The following CD96 variants were observed in gnomAD, a reference collection of about 807,000 sequenced individuals.
The protein encoded by CD96 is CD96 molecule.
In CD96, 70 loss-of-function variants were observed where a neutral mutation model predicts 71.3. That is an observed-to-expected ratio of 0.98 (90% confidence interval 0.81 to 1.20). The LOEUF (loss-of-function observed/expected upper bound fraction) is 1.20, where lower values mean the gene tolerates loss of function less well. CD96 is among the 50% of genes most tolerant of loss of function. CD96 has a pLI of 0.00. For missense variants in CD96, 742 were observed against 677.5 expected (o/e 1.10, Z -1.06); for synonymous variants, 248 against 233.0 (o/e 1.06, Z -0.59).
At chr3:111,606,620 T>TAAATAAATAAA in intron 7 of CD96, 80 bp from the exon 8 acceptor site, 1 of 787,284 alleles carries the variant, frequency 1.3e-6, no homozygotes, top group South Asian at 1.4e-5. Flanking sequence ...TAAAGGAAAG[T>TAAATAAATAAA]GTATTTAAGA....
rs940058471 is a variant in CD96, at chr3:111,562,176, G to A, written c.419-5347G>A. Among the ~76,000 whole-genome samples the A allele has an allele frequency of 8.5e-5, 13 of 152,304 alleles. No individual in the cohort carries two copies. In the South Asian group the frequency reaches 2.1e-3, roughly 24 times the overall value. On this transcript the variant is annotated intron_variant, in intron 2 of 13. Transcript: ENST00000352690. ...GCAGAAATCACCGGTCTTCTGCGTC[G>A]CTCACGTTGGGAGCTGTAGACCGGA...
chr3:111,555,455 A>C (rs1273274627), intron 2 of CD96, among the ~76,000 whole-genome samples: 8 of 152,420 alleles, frequency 5.2e-5, no homozygotes, highest in Middle Eastern at 3.4e-3. Context: ...TTTAATTTTA[A>C]AGGATAATTT....
At chr3:111,552,722 G>A (rs1318542412) in intron 2 of CD96, among the ~76,000 whole-genome samples, 1 of 152,154 alleles carries the variant, frequency 6.6e-6, no homozygotes, top group Non-Finnish European at 1.5e-5. Context: ...TATGACCTCT[G>A]AGTTAGAGGA....
At chr3:111,655,522 G>C (rs777668919), downstream of CD96, among the ~76,000 whole-genome samples, 2 of 152,066 alleles carry the variant, frequency 1.3e-5, no homozygotes, top group South Asian at 2.1e-4. Flanking sequence ...ACTTTTAAAG[G>C]CTTCAGAAAG....
chr3:111,559,028 G>C (rs1053671057), intron 2 of CD96, among the ~76,000 whole-genome samples: 5 of 152,128 alleles, frequency 3.3e-5, no homozygotes, highest in Non-Finnish European at 7.4e-5. Context: ...ATGGTAGTTT[G>C]TATTTCTGTG....
chr3:111,590,621 T>C (rs1365706620), intron 5 of CD96, among the ~76,000 whole-genome samples: 1 of 152,188 alleles, frequency 6.6e-6, no homozygotes, highest in Non-Finnish European at 1.5e-5. Context: ...TCTTATGCAT[T>C]CCCAAAGTCA....
chr3:111,564,390 G>T (rs191730502), intron 2 of CD96, among the ~76,000 whole-genome samples: 2 of 151,642 alleles, frequency 1.3e-5, no homozygotes, highest in East Asian at 3.9e-4. Flanking sequence ...TTTTGAAAAT[G>T]AACTTCAATG....
intron 7 of CD96, among the ~76,000 whole-genome samples, chr3:111,606,006 C>T (rs1185731887): frequency 2.0e-5 from 3 of 152,090 alleles, no homozygotes; most frequent in Admixed American, 2.0e-4. Flanking sequence ...TGTAAATTGT[C>T]CTTCCAATAG....
At chr3:111,612,246 G>A (rs960569266) in intron 8 of CD96, among the ~76,000 whole-genome samples, 1 of 152,158 alleles carries the variant, frequency 6.6e-6, no homozygotes, top group African/African-American at 2.4e-5. Context: ...TGATCACGAA[G>A]GTGGTTAAAA....
intron 14 of CD96, among the ~76,000 whole-genome samples, chr3:111,659,340 G>T (rs948013372): frequency 6.6e-5 from 10 of 151,746 alleles, no homozygotes; most frequent in Admixed American, 6.6e-4. Context: ...TTTGTTTCAT[G>T]GATCTTTTGC....
In CD96 at chr3:111,547,110, G is replaced by A. The variant is rs191233542; in HGVS notation, c.418+1708G>A. On this transcript the variant is annotated intron_variant, in intron 2 of 13. Coordinates refer to ENST00000352690, the MANE Select transcript of CD96 (RefSeq NM_005816.5). The stretch of plus-strand genomic sequence containing the variant: ...TTTCATCATTCCCAAGTTGTTTCAA[G>A]TTTCTTACATAACAAATATGGATAA... Among the ~76,000 whole-genome samples, 238 of 152,224 alleles carry A rather than the reference G, an allele frequency of 1.6e-3. 2 individuals carry two copies. Among genetic ancestry groups the A allele is most frequent in the Non-Finnish European group, 2.1e-3 (140 of 68,006 alleles).
At chr3:111,624,235 C>G (rs1182590053) in intron 9 of CD96, 98 bp from the exon 10 acceptor site, 1 of 838,990 alleles carries the variant, frequency 1.2e-6, no homozygotes, top group African/African-American at 1.7e-5. Context: ...TTTCAGATTT[C>G]CCCAAAGTCA....
At chr3:111,649,159 A>G (rs1939965430) in intron 13 of CD96, among the ~76,000 whole-genome samples, 1 of 152,216 alleles carries the variant, frequency 6.6e-6, no homozygotes, top group African/African-American at 2.4e-5. Flanking sequence ...AAATCCTAGG[A>G]TTTTAAGATT....
At chr3:111,616,080 G>C (rs530356770) in intron 8 of CD96, among the ~76,000 whole-genome samples, 1 of 152,004 alleles carries the variant, frequency 6.6e-6, no homozygotes, top group Non-Finnish European at 1.5e-5. Flanking sequence ...CCCATTTCCT[G>C]TTCCCCTTTT....
At chr3:111,555,609 G>C (rs1252506914) in intron 2 of CD96, among the ~76,000 whole-genome samples, 2 of 152,290 alleles carry the variant, frequency 1.3e-5, no homozygotes, top group African/African-American at 4.8e-5. Context: ...GTTTTTGTTT[G>C]TTTGGTTGGT....
intron 1 of CD96, among the ~76,000 whole-genome samples, chr3:111,542,651 G>A (rs1230566283): frequency 6.6e-6 from 1 of 152,134 alleles, no homozygotes; most frequent in Non-Finnish European, 1.5e-5. Flanking sequence ...AAACAACTGC[G>A]GAAAAATTAA....
chr3:111,571,749 C>G (rs1230120277), intron 3 of CD96, among the ~76,000 whole-genome samples: 1 of 152,186 alleles, frequency 6.6e-6, no homozygotes, highest in Non-Finnish European at 1.5e-5. Flanking sequence ...TTCAAAATGT[C>G]AAAATCTATT....
intron 2 of CD96, among the ~76,000 whole-genome samples, chr3:111,562,734 C>T (rs540649564): frequency 1.3e-5 from 2 of 152,352 alleles, no homozygotes; most frequent in Middle Eastern, 6.8e-3. Flanking sequence ...GTTGTCCAGA[C>T]TTCCTGGGCT....
chr3:111,596,739 TTTAC>T (rs770048616), intron 5 of CD96, among the ~76,000 whole-genome samples: 3 of 152,236 alleles, frequency 2.0e-5, no homozygotes, highest in Non-Finnish European at 4.4e-5. Flanking sequence ...AACACTCTCC[TTTAC>T]TTAATAAGAA....
Sources: gnomAD v4.1 joint callset for allele counts (sites outside exome capture counted in the v4.1 genomes callset) on GRCh38, gnomAD v4.1.1 for gene constraint, MANE v1.5 for transcripts, NCBI Gene and HGNC (gene_info 2026-07-23, HGNC 2026-07-21) for gene names.